The following MYO16 variants were observed in gnomAD, a reference collection of about 807,000 sequenced individuals.
MYO16 encodes the protein myosin XVI, also known as unconventional myosin-XVI.
A neutral mutation model predicts 205.3 loss-of-function variants in MYO16; 94 were observed. That is an observed-to-expected ratio of 0.46 (90% confidence interval 0.39 to 0.54). The LOEUF is 0.54. Ranked by LOEUF, MYO16 falls within the 20% of genes least tolerant of loss-of-function variation. The pLI, the probability that MYO16 is intolerant of heterozygous loss-of-function variation, is 0.00. For missense variants in MYO16, 2,315 were observed against 2,387.5 expected (o/e 0.97, Z 0.63); for synonymous variants, 988 against 954.0 (o/e 1.04, Z -0.66).
chr13:108,587,270 T>C, the MYO16 span, among the ~76,000 whole-genome samples: 5 of 152,274 alleles, frequency 3.3e-5, no homozygotes, highest in East Asian at 9.6e-4. Flanking sequence ...GATGCAGTGA[T>C]TTGGTGGGTT....
At position 109,162,168 on chromosome 13, in the gene MYO16, A is replaced by C. The variant is rs1878418751; in HGVS notation, c.5165-2733A>C. Among the ~76,000 whole-genome samples the C allele has an allele frequency of 6.6e-6, 1 of 152,214 alleles. No homozygotes were observed. Among genetic ancestry groups the C allele is most frequent in the Non-Finnish European group, 1.5e-5 (1 of 68,034 alleles). On this transcript the variant is annotated intron_variant, in intron 32 of 34. Coordinates refer to ENST00000457511, the MANE Select transcript of MYO16 (RefSeq NM_001198950.3). The surrounding 1 kb of genome is among the most constrained non-coding windows in gnomAD (Gnocchi z 4.6). ...AAAATAGAAATACGTTTAAACTTTA[A>C]TTGCAAAAATGAGAATTTTGGCTGC...
chr13:108,783,278 T>A lies in MYO16; in HGVS notation c.508-2357T>A, dbSNP rs533919476. On this transcript the variant is annotated intron_variant, in intron 4 of 34. Coordinates refer to ENST00000457511, the MANE Select transcript of MYO16 (RefSeq NM_001198950.3). The stretch of plus-strand genomic sequence containing the variant: ...GTAAAAGGAGATCATTTTGGAGCTT[T>A]AAAATGTGACTGCCCTACTAAATTT... Among the ~76,000 whole-genome samples the A allele has an allele frequency of 1.5e-4, 23 of 152,334 alleles. No homozygotes were observed. In the South Asian group the frequency reaches 4.6e-3, roughly 30 times the overall value.
intron 1 of MYO16, among the ~76,000 whole-genome samples, chr13:108,650,873 T>C (rs1926534): frequency 0.18 from 27,732 of 152,088 alleles, 3,866 homozygotes; most frequent in African/African-American, 0.38. Context: ...GAAACAGCCA[T>C]AGGAGGCAGT....
intron 9 of MYO16, among the ~76,000 whole-genome samples, chr13:108,835,179 G>A (rs528602091): frequency 1.1e-4 from 17 of 151,958 alleles, no homozygotes; most frequent in South Asian, 4.2e-4. Context: ...CATAATCCCC[G>A]CATTCCCTGG....
chr13:108,871,802 G>C (rs142911243), intron 12 of MYO16, among the ~76,000 whole-genome samples: 1 of 152,182 alleles, frequency 6.6e-6, no homozygotes, highest in Non-Finnish European at 1.5e-5. Context: ...GGATGGAAAA[G>C]ATCCCGTGTG....
chr13:109,013,553 A>G (rs922149044), intron 22 of MYO16, among the ~76,000 whole-genome samples: 4 of 152,152 alleles, frequency 2.6e-5, no homozygotes, highest in Admixed American at 2.6e-4. Flanking sequence ...TGTCTTCCAC[A>G]ATGGTTGAAC....
intron 16 of MYO16, among the ~76,000 whole-genome samples, chr13:108,928,167 G>A (rs960155123): frequency 2.0e-5 from 3 of 152,162 alleles, no homozygotes; most frequent in Non-Finnish European, 4.4e-5. Flanking sequence ...TGAAAGAGAG[G>A]AAGCTGGGCC....
At chr13:109,005,209 A>G (rs1041988861) in intron 21 of MYO16, among the ~76,000 whole-genome samples, 3 of 152,198 alleles carry the variant, frequency 2.0e-5, no homozygotes, top group Admixed American at 1.3e-4. Context: ...GACTTCTATG[A>G]CAACCACAAC....
upstream of MYO16, among the ~76,000 whole-genome samples, chr13:108,627,536 T>C (rs986768060): frequency 6.6e-6 from 1 of 152,106 alleles, no homozygotes; most frequent in Non-Finnish European, 1.5e-5. Context: ...GTTTCTCTTA[T>C]AGCACAAAGA....
At chr13:108,977,944 T>C (rs984968182) in intron 20 of MYO16, among the ~76,000 whole-genome samples, 1 of 152,130 alleles carries the variant, frequency 6.6e-6, no homozygotes, top group African/African-American at 2.4e-5. Flanking sequence ...ATTTAGGCTA[T>C]TGATTTTTTT....
At chr13:109,064,741 C>T (rs1887692703) in intron 27 of MYO16, among the ~76,000 whole-genome samples, 1 of 152,142 alleles carries the variant, frequency 6.6e-6, no homozygotes, top group Non-Finnish European at 1.5e-5. Context: ...GAAGTGTGGC[C>T]TGTGTCATTC....
chr13:109,041,027 CAAGAT>C (rs1415110788), intron 23 of MYO16, among the ~76,000 whole-genome samples: 8 of 152,052 alleles, frequency 5.3e-5, no homozygotes, highest in Admixed American at 1.3e-4. Flanking sequence ...TCACAAGACA[CAAGAT>C]AAACATTCAA....
chr13:109,023,544 GTATA>G (rs1566467964), intron 23 of MYO16, among the ~76,000 whole-genome samples: 1 of 116,754 alleles, frequency 8.6e-6, no homozygotes, highest in Non-Finnish European at 1.6e-5. Flanking sequence ...CAATATATAG[GTATA>G]TATTTATTAT....
intron 28 of MYO16, among the ~76,000 whole-genome samples, chr13:109,110,602 T>G (rs1440486265): frequency 1.3e-5 from 2 of 152,252 alleles, no homozygotes; most frequent in Admixed American, 1.3e-4. Flanking sequence ...AGAACATGTA[T>G]TTTCATATAA....
At chr13:109,088,302 G>C (rs1475763842) in intron 27 of MYO16, among the ~76,000 whole-genome samples, 1 of 152,192 alleles carries the variant, frequency 6.6e-6, no homozygotes, top group Non-Finnish European at 1.5e-5. Flanking sequence ...GGGAAAGGCT[G>C]CTCAGGAGAT....
chr13:108,646,178 T>G (rs1329646513), intron 1 of MYO16, among the ~76,000 whole-genome samples: 1 of 152,204 alleles, frequency 6.6e-6, no homozygotes, highest in Non-Finnish European at 1.5e-5. Context: ...TTCTTGTTTG[T>G]TAGTTTGATT....
rs901440497 is a variant in MYO16, at chr13:109,172,931, C to T, written c.5324-6611C>T. ...ATATTTTCTTAGACACAAATGCCCA[C>T]GTGTACAGCCAAATACACAATATTA... On this transcript the variant is annotated intron_variant, in intron 33 of 34. Transcript: ENST00000457511. Among the ~76,000 whole-genome samples the T allele has an allele frequency of 5.9e-5, 9 of 152,286 alleles. No homozygotes were observed. In the East Asian group the frequency reaches 7.7e-4, roughly 13 times the overall value.
chr13:108,876,586 A>G (rs1179527623), intron 12 of MYO16, among the ~76,000 whole-genome samples: 1 of 152,164 alleles, frequency 6.6e-6, no homozygotes, highest in African/African-American at 2.4e-5. Context: ...ATATACATGA[A>G]CACATATATA....
At position 109,009,887 on chromosome 13, in the gene MYO16, A is replaced by C. The variant is rs542314015; in HGVS notation, c.2595+838A>C. On this transcript the variant is annotated intron_variant, in intron 22 of 34. Transcript: ENST00000457511. ...CCAGAAAGCCCTCGTAGTGACATAC[A>C]TAACCTATAATTATTTAAGGTTTAA... is the stretch of plus-strand genomic sequence containing the variant. Among the ~76,000 whole-genome samples the C allele has an allele frequency of 2.4e-4, 36 of 152,342 alleles. 1 individual carries two copies. In the South Asian group the frequency reaches 7.5e-3, roughly 32 times the overall value.
Sources: allele counts gnomAD v4.1 joint callset (sites outside exome capture counted in the v4.1 genomes callset), GRCh38; gene constraint gnomAD v4.1.1; non-coding constraint Gnocchi (gnomAD v3.1); transcripts MANE v1.5; gene names NCBI Gene and HGNC (gene_info 2026-07-23, HGNC 2026-07-21).